CNBD1: variants seen among roughly 807,000 people sequenced by gnomAD.
CNBD1 encodes cyclic nucleotide binding domain containing 1.
Under a neutral mutation model 54.4 loss-of-function variants are expected in CNBD1, and 71 were observed. That is an observed-to-expected ratio of 1.30 (90% CI 1.08 to 1.59). The LOEUF (loss-of-function observed/expected upper bound fraction) is 1.59. CNBD1 is among the 40% of genes most tolerant of loss of function. CNBD1 has a pLI of 0.00. For missense variants in CNBD1, 659 were observed against 518.0 expected (o/e 1.27, Z -2.64); for synonymous variants, 182 against 170.7 (o/e 1.07, Z -0.51).
At chr8:86,932,933 C>T (rs773351948) in intron 3 of CNBD1, among the ~76,000 whole-genome samples, 2 of 152,094 alleles carry the variant, frequency 1.3e-5, no homozygotes, top group Non-Finnish European at 2.9e-5. Context: ...ACTTGTTTTC[C>T]TCCTAGATCA....
Position 86,887,628 on chromosome 8 carries a change from T to C in CNBD1, c.158+17T>C, listed in dbSNP as rs1369907050. 6.5e-7 allele frequency: 1 copy of C among 1,537,696 alleles called. No homozygotes were observed. Among genetic ancestry groups the C allele is most frequent in the Non-Finnish European group, 8.9e-7 (1 of 1,129,438 alleles). Reference sequence around the variant, plus strand: ...ACAACACAGGTAAGCTATTCATGCATTTCTTTTTCTGTCATTCAAATGAAT... The same window carrying C: ...ACAACACAGGTAAGCTATTCATGCACTTCTTTTTCTGTCATTCAAATGAAT... On this transcript the variant is annotated intron_variant, in intron 2 of 10. Transcript: ENST00000518476.
At chr8:87,242,139 T>C (rs947247389) in intron 6 of CNBD1, among the ~76,000 whole-genome samples, 2 of 152,134 alleles carry the variant, frequency 1.3e-5, no homozygotes, top group South Asian at 2.1e-4. Context: ...TTTGTAGCCA[T>C]AAAATGCCAA....
At chr8:87,185,546 C>T (rs1055878272) in intron 4 of CNBD1, among the ~76,000 whole-genome samples, 1 of 152,108 alleles carries the variant, frequency 6.6e-6, no homozygotes, top group Non-Finnish European at 1.5e-5. Context: ...TAGTCTATGG[C>T]ACATTTTTTT....
chr8:87,224,890 C>T (rs1390295957), intron 5 of CNBD1, among the ~76,000 whole-genome samples: 1 of 151,972 alleles, frequency 6.6e-6, no homozygotes, highest in Non-Finnish European at 1.5e-5. Flanking sequence ...GAATGTTCTT[C>T]CATTTGTTTG....
intron 4 of CNBD1, among the ~76,000 whole-genome samples, chr8:87,167,696 C>G (rs1221821490): frequency 6.6e-6 from 1 of 151,764 alleles, no homozygotes; most frequent in African/African-American, 2.4e-5. Flanking sequence ...TATACATACT[C>G]ATGTTTTTTT....
In CNBD1 at chr8:87,249,411, T is replaced by A. The variant is rs368907873; in HGVS notation, c.771+12299T>A. Among the ~76,000 whole-genome samples the A allele has an allele frequency of 2.6e-5, 4 of 152,206 alleles. No individual in the cohort carries two copies. In the East Asian group the frequency reaches 5.8e-4, roughly 22 times the overall value. ...TTAACAGGCCACAGAGCAGTATAAATCTGTGGCCCAGGAGTCAGGGACCCT... is the reference window on the plus strand; with the variant it reads ...TTAACAGGCCACAGAGCAGTATAAAACTGTGGCCCAGGAGTCAGGGACCCT... On this transcript the variant is annotated intron_variant, in intron 6 of 10. Transcript: ENST00000518476.
intron 4 of CNBD1, among the ~76,000 whole-genome samples, chr8:87,110,041 T>C (rs1232272632): frequency 6.6e-6 from 1 of 152,182 alleles, no homozygotes; most frequent in Non-Finnish European, 1.5e-5. Context: ...AGTGAGTCTG[T>C]GCATATTCTT....
chr8:86,918,394 C>T (rs1278676888), intron 3 of CNBD1, among the ~76,000 whole-genome samples: 2 of 152,092 alleles, frequency 1.3e-5, no homozygotes, highest in Non-Finnish European at 2.9e-5. Context: ...TTTACATCTG[C>T]TGCTACAAAA....
chr8:87,111,770 G>A (rs898513726), intron 4 of CNBD1, among the ~76,000 whole-genome samples: 10 of 152,040 alleles, frequency 6.6e-5, no homozygotes, highest in Non-Finnish European at 1.3e-4. Flanking sequence ...ATGGATCCCT[G>A]TGGGTTAGGA....
intron 3 of CNBD1, among the ~76,000 whole-genome samples, chr8:86,925,144 C>A (rs1277713179): frequency 6.6e-6 from 1 of 152,076 alleles, no homozygotes; most frequent in African/African-American, 2.4e-5. Flanking sequence ...TCAATTTTAA[C>A]CTTGGATGTG....
chr8:87,124,585 T>G (rs1811955399), intron 4 of CNBD1, among the ~76,000 whole-genome samples: 1 of 151,776 alleles, frequency 6.6e-6, no homozygotes, highest in African/African-American at 2.4e-5. Flanking sequence ...GAAAAATCAT[T>G]TGACAAAATT....
chr8:86,947,797 A>G (rs1045749728), intron 4 of CNBD1, among the ~76,000 whole-genome samples: 1 of 152,088 alleles, frequency 6.6e-6, no homozygotes, highest in African/African-American at 2.4e-5. Context: ...TTATTTTAAA[A>G]TTACAATTAA....
chr8:87,081,633 G>A (rs1031546269), intron 4 of CNBD1, among the ~76,000 whole-genome samples: 1 of 151,646 alleles, frequency 6.6e-6, no homozygotes, highest in African/African-American at 2.4e-5. Context: ...AGCCTCCTGA[G>A]TAGCTGGGAT....
chr8:87,020,315 A>C (rs1419240822), intron 4 of CNBD1, among the ~76,000 whole-genome samples: 1 of 152,000 alleles, frequency 6.6e-6, no homozygotes, highest in East Asian at 1.9e-4. Flanking sequence ...CCCATTATTC[A>C]AATCACTAAT....
chr8:86,913,984 C>T (rs549471661), intron 3 of CNBD1, among the ~76,000 whole-genome samples: 10 of 152,180 alleles, frequency 6.6e-5, no homozygotes, highest in East Asian at 1.9e-4. Context: ...TTCTCTTACC[C>T]GTTTTCAGTC....
chr8:86,867,937 G>A (rs745958079), intron 1 of CNBD1, among the ~76,000 whole-genome samples: 2 of 152,112 alleles, frequency 1.3e-5, no homozygotes, highest in African/African-American at 4.8e-5. Flanking sequence ...AATGGAAAGC[G>A]GTGGAGCTCC....
At chr8:87,329,575 T>G in intron 8 of CNBD1, among the ~76,000 whole-genome samples, 1 of 152,114 alleles carries the variant, frequency 6.6e-6, no homozygotes, top group East Asian at 1.9e-4. Context: ...TTTGATATAT[T>G]TTATCAGAAC....
chr8:87,224,318 A>G (rs937306892), intron 5 of CNBD1, among the ~76,000 whole-genome samples: 6 of 150,358 alleles, frequency 4.0e-5, no homozygotes, highest in South Asian at 2.1e-4. Flanking sequence ...GTCCTTGCCC[A>G]TGCCTATGTC....
chr8:87,060,313 G>A lies in CNBD1; in HGVS notation c.431+120559G>A, dbSNP rs1435670759. 2.0e-5 allele frequency among the ~76,000 whole-genome samples: 3 copies of A among 152,230 alleles called. No homozygotes were observed. In the East Asian group the frequency reaches 5.8e-4, roughly 29 times the overall value. ...TAAGTTTGTGGCAATTCATTATGCA[G>A]CAATAGAAAAAGAATACAGAAATTA... On this transcript the variant is annotated intron_variant, in intron 4 of 10. Transcript: ENST00000518476.
Sources: allele counts gnomAD v4.1 joint callset (sites outside exome capture counted in the v4.1 genomes callset), GRCh38; gene constraint gnomAD v4.1.1; transcripts MANE v1.5; gene names NCBI Gene and HGNC (gene_info 2026-07-23, HGNC 2026-07-21).